CEP112: variants seen among roughly 807,000 people sequenced by gnomAD.
CEP112 encodes centrosomal protein of 112 kDa.
CEP112 carries 127 observed loss-of-function variants against 153.0 expected under a neutral mutation model. The observed-to-expected ratio is 0.83, with a 90% confidence interval of 0.72 to 0.96. The LOEUF (loss-of-function observed/expected upper bound fraction) is 0.96. Ranked by LOEUF, CEP112 falls within the 40% of genes least tolerant of loss-of-function variation. CEP112 has a pLI of 0.00. For missense variants in CEP112, 1,089 were observed against 1,101.2 expected, an observed-to-expected ratio of 0.99 and a Z score of 0.16; for synonymous variants, 358 against 374.4, an observed-to-expected ratio of 0.96 and a Z score of 0.51.
At chr17:66,026,509 G>A (rs1598151301) in intron 16 of CEP112, among the ~76,000 whole-genome samples, 1 of 152,112 alleles carries the variant, frequency 6.6e-6, no homozygotes, top group African/African-American at 2.4e-5. Flanking sequence ...TGACACAACA[G>A]AATACCAAAT....
chr17:66,186,446 C>T lies in CEP112; in HGVS notation c.-8-3139G>A, dbSNP rs114323586. On this transcript the variant is annotated intron_variant, in intron 1 of 26. Transcript: ENST00000535342. ...CCTCCCGAGTAGGCACCCGCCACCA[C>T]GCCCAGATAATTTTTCGTATTTTTA... Among the ~76,000 whole-genome samples, 490 of 152,180 alleles carry T rather than the reference C, an allele frequency of 3.2e-3. 7 individuals carry two copies. Among genetic ancestry groups the T allele is most frequent in the African/African-American group, 0.011 (457 of 41,488 alleles).
chr17:66,144,639 G>C (rs538059943), intron 4 of CEP112, among the ~76,000 whole-genome samples: 1 of 152,278 alleles, frequency 6.6e-6, no homozygotes, highest in Admixed American at 6.5e-5. Context: ...GTTGCAGTGA[G>C]CTGAAATCGC....
chr17:65,774,811 G>A (rs2053583368), intron 21 of CEP112, among the ~76,000 whole-genome samples: 1 of 152,102 alleles, frequency 6.6e-6, no homozygotes, highest in African/African-American at 2.4e-5. Flanking sequence ...AAACAGAAAT[G>A]GATTCCAGTG....
At chr17:65,836,518 T>C (rs561026500) in intron 21 of CEP112, among the ~76,000 whole-genome samples, 1 of 152,222 alleles carries the variant, frequency 6.6e-6, no homozygotes, top group African/African-American at 2.4e-5. Context: ...ATGTTGACTT[T>C]AAGAACTGTA....
chr17:65,923,494 A>G (rs2060806397), intron 19 of CEP112, among the ~76,000 whole-genome samples: 1 of 152,206 alleles, frequency 6.6e-6, no homozygotes, highest in Non-Finnish European at 1.5e-5. Flanking sequence ...GCAGTGAGCC[A>G]TGATCATGCC....
At chr17:65,644,444 C>A in intron 24 of CEP112, 1 of 449,356 alleles carries the variant, frequency 2.2e-6, no homozygotes, top group Non-Finnish European at 4.2e-6. Context: ...ATTTATAATG[C>A]AGTCCTTGAG....
chr17:66,119,587 A>G (rs568710980), intron 6 of CEP112, among the ~76,000 whole-genome samples: 2 of 152,178 alleles, frequency 1.3e-5, no homozygotes, highest in Non-Finnish European at 2.9e-5. Flanking sequence ...AAAGTATTCT[A>G]TTGTATAGAT....
intron 22 of CEP112, among the ~76,000 whole-genome samples, chr17:65,743,748 TTTA>T (rs2051268699): frequency 6.6e-6 from 1 of 152,028 alleles, no homozygotes. Context: ...ATTATTGCCT[TTTA>T]TTTTTTTTTT....
At chr17:65,692,206 G>A (rs1199352152) in intron 23 of CEP112, among the ~76,000 whole-genome samples, 1 of 150,878 alleles carries the variant, frequency 6.6e-6, no homozygotes, top group East Asian at 1.9e-4. Context: ...GTGGTTAGCA[G>A]TAAGACACTG....
intron 24 of CEP112, among the ~76,000 whole-genome samples, chr17:65,675,924 G>A (rs2047210627): frequency 6.6e-6 from 1 of 152,076 alleles, no homozygotes; most frequent in African/African-American, 2.4e-5. Flanking sequence ...TTTTAAAAAT[G>A]GAAAATGAAC....
intron 22 of CEP112, among the ~76,000 whole-genome samples, chr17:65,749,994 G>A (rs564370944): frequency 6.6e-6 from 1 of 152,256 alleles, no homozygotes; most frequent in African/African-American, 2.4e-5. Flanking sequence ...ACTTATACAA[G>A]TAAGGAATAC....
At chr17:65,882,259 G>A (rs2146616792) in intron 20 of CEP112, among the ~76,000 whole-genome samples, 1 of 152,264 alleles carries the variant, frequency 6.6e-6, no homozygotes, top group African/African-American at 2.4e-5. Flanking sequence ...CTCTAATACT[G>A]TACTGAGCAC....
At chr17:65,873,209 C>T (rs2058721668) in intron 20 of CEP112, 1 of 152,376 alleles carries the variant, frequency 6.6e-6, no homozygotes. Context: ...GTCATGGTCC[C>T]ATCGGGCTCA....
chr17:65,786,573 T>TTC (rs2054286480), intron 21 of CEP112, among the ~76,000 whole-genome samples: 1 of 83,524 alleles, frequency 1.2e-5, no homozygotes. Context: ...TAGCCAATTC[T>TTC]TTTTTTTTTT....
Position 66,096,118 on chromosome 17 carries a change from T to C in CEP112, c.768+133A>G, listed in dbSNP as rs1461028534. ...GATGAACCCTGCCTACCATGCATCA[T>C]GTTTTATATTTGTTTCAAGTGCAAC... On this transcript the variant is annotated intron_variant, in intron 8 of 26. Coordinates refer to ENST00000535342, the MANE Select transcript of CEP112 (RefSeq NM_001199165.4). The C allele has an allele frequency of 1.0e-5, 6 of 594,868 alleles. No individual in the cohort carries two copies. In the Admixed American group the frequency reaches 1.6e-4, roughly 16 times the overall value. The allele number at this position is 594,868 out of a possible 1,614,324, so 36.8% of individuals were successfully genotyped here. A position where few individuals can be genotyped will look rare whatever the true frequency, so the allele number is the denominator to read the frequency against.
chr17:65,933,544 C>G (rs185368048), intron 18 of CEP112, among the ~76,000 whole-genome samples: 450 of 152,246 alleles, frequency 3.0e-3, no homozygotes, highest in Non-Finnish European at 5.2e-3. Flanking sequence ...ACTCAAAGTA[C>G]TGAAGGAAAA....
intron 24 of CEP112, among the ~76,000 whole-genome samples, chr17:65,660,460 C>CTCCTTCCTTCCTTCCT (rs143750694): frequency 6.4e-5 from 5 of 78,256 alleles, no homozygotes; most frequent in Non-Finnish European, 1.2e-4. Context: ...TCTTCTCTCT[C>CTCCTTCCTTCCTTCCT]TCCTTCCTTC....
chr17:65,992,662 G>A (rs918873618), intron 17 of CEP112, among the ~76,000 whole-genome samples: 1 of 152,126 alleles, frequency 6.6e-6, no homozygotes, highest in Non-Finnish European at 1.5e-5. Flanking sequence ...ATTTCTAGAT[G>A]TCTCCTTAAT....
intron 19 of CEP112, among the ~76,000 whole-genome samples, chr17:65,915,853 C>A (rs559093661): frequency 7.3e-5 from 11 of 150,780 alleles, no homozygotes; most frequent in African/African-American, 2.7e-4. Context: ...AGTGGCTTCT[C>A]AACACACTCA....
Sources: allele counts gnomAD v4.1 joint callset (sites outside exome capture counted in the v4.1 genomes callset), GRCh38; gene constraint gnomAD v4.1.1; transcripts MANE v1.5; gene names NCBI Gene and HGNC (gene_info 2026-07-23, HGNC 2026-07-21).